RNF213: variants seen among roughly 807,000 people sequenced by gnomAD.
RNF213 encodes ring finger protein 213.
RNF213 carries 341 observed loss-of-function variants against 514.4 expected under a neutral mutation model. The observed-to-expected ratio is 0.66, with a 90% confidence interval of 0.61 to 0.73. The LOEUF (loss-of-function observed/expected upper bound fraction) is 0.73, where lower values mean the gene tolerates loss of function less well. RNF213 is among the 30% of genes least tolerant of loss of function. The pLI is 0.00. For synonymous variants in RNF213, 2,655 were observed against 2,658.2 expected, an observed-to-expected ratio of 1.00 and a Z score of 0.04; for missense variants, 5,767 against 6,615.6, an observed-to-expected ratio of 0.87 and a Z score of 4.45.
chr17:80,393,112 C>T (rs1184099306), intron 67 of RNF213, among the ~76,000 whole-genome samples: 3 of 151,840 alleles, frequency 2.0e-5, no homozygotes, highest in South Asian at 2.1e-4. Context: ...TGAGTAGCTT[C>T]GGACTATAGG....
chr17:80,313,475 G>A (rs12950573), intron 15 of RNF213, among the ~76,000 whole-genome samples: 3 of 15,990 alleles, frequency 1.9e-4, no homozygotes, highest in Non-Finnish European at 3.9e-4. Context: ...GATGGTGGTG[G>A]AGGTGATGGT....
At chr17:80,286,955 C>T (rs915776800) in intron 3 of RNF213, among the ~76,000 whole-genome samples, 51 of 152,228 alleles carry the variant, frequency 3.4e-4, no homozygotes, top group African/African-American at 1.2e-3. Context: ...GCTGAGGGTG[C>T]GGTGGGAGCT....
rs550872916 is a variant in RNF213, at chr17:80,279,945, C to T, written c.261+6541C>T. Among the ~76,000 whole-genome samples the T allele has an allele frequency of 3.9e-5, 6 of 152,336 alleles. No homozygotes were observed. The South Asian group carries it at 1.0e-3, about 26-fold the overall frequency. On this transcript the variant is annotated intron_variant, in intron 3 of 67. Coordinates refer to ENST00000582970, the MANE Select transcript of RNF213 (RefSeq NM_001256071.3). The stretch of plus-strand genomic sequence containing the variant: ...TTTATTACTTTTTTGCAGAGGGCGA[C>T]GGCCTCCCTGCCTTCCCCGCACCGC...
At chr17:80,312,000 C>T (rs980177822) in intron 14 of RNF213, among the ~76,000 whole-genome samples, 32 of 152,096 alleles carry the variant, frequency 2.1e-4, no homozygotes, top group African/African-American at 7.7e-4. Context: ...TGGTGGCATG[C>T]ACTTGTAATC....
intron 64 of RNF213, chr17:80,388,908 G>A: frequency 1.6e-6 from 1 of 629,196 alleles, no homozygotes; most frequent in Non-Finnish European, 2.8e-6. Flanking sequence ...TAGGAATGAT[G>A]TTGATGCATG....
At chr17:80,304,670 ATAAT>A (rs1598965940) in intron 11 of RNF213, among the ~76,000 whole-genome samples, 1 of 152,020 alleles carries the variant, frequency 6.6e-6, no homozygotes, top group Non-Finnish European at 1.5e-5. Context: ...AATAATAATA[ATAAT>A]TAAGAGGCTT....
rs1568053022 is a variant in RNF213 at position 80,314,083 on chromosome 17, AGGT to A, written c.2811+918_2811+920del. Among the ~76,000 whole-genome samples the A allele has an allele frequency of 5.4e-3, 279 of 51,690 alleles. 1 individual carries two copies. The highest frequency in any genetic ancestry group is 7.2e-3 in the Non-Finnish European group (203 of 28,282). 33.9% of individuals were successfully genotyped at this position (51,690 alleles called of 152,430 possible). A position where few individuals can be genotyped will look rare whatever the true frequency, so the allele number is the denominator to read the frequency against. ...GTAATGGAGGTGATGGTGGTGGTGG[AGGT>A]GATGGTGGAGGTACTGGAGGTGATG... is the stretch of plus-strand genomic sequence containing the variant. On this transcript the variant is annotated intron_variant, in intron 15 of 67. Coordinates refer to ENST00000582970, the MANE Select transcript of RNF213 (RefSeq NM_001256071.3).
chr17:80,269,332 A>AC (rs540492292), intron 2 of RNF213, among the ~76,000 whole-genome samples: 1 of 152,028 alleles, frequency 6.6e-6, no homozygotes, highest in Non-Finnish European at 1.5e-5. Flanking sequence ...TAACCATCAC[A>AC]CCGTCTATCC....
intron 3 of RNF213, among the ~76,000 whole-genome samples, chr17:80,275,213 G>T (rs2044011369): frequency 6.6e-6 from 1 of 151,496 alleles, no homozygotes; most frequent in Non-Finnish European, 1.5e-5. Flanking sequence ...GGGTGTGTGT[G>T]TGCTTGTGTC....
In RNF213 at chr17:80,317,061, G is replaced by C. The variant is rs1178885695; in HGVS notation, c.2812-127G>C. On this transcript the variant is annotated intron_variant, in intron 15 of 67. Coordinates refer to ENST00000582970, the MANE Select transcript of RNF213 (RefSeq NM_001256071.3). This position sits in a 1 kb window ranked among gnomAD's most constrained non-coding sequence, Gnocchi z 4.1. ...GCTGACTGTTGATGAAGGTTGGGGA[G>C]AGCCCTGGTGTTCGCGGAGTCCCGC... The C allele has an allele frequency of 2.0e-6, 2 of 1,007,810 alleles. No homozygotes were observed. Among genetic ancestry groups the C allele is most frequent in the African/African-American group, 3.2e-5 (2 of 62,668 alleles). The allele number at this position is 1,007,810 out of a possible 1,614,324, so 62.4% of individuals were successfully genotyped here.
chr17:80,284,678 C>G (rs1049103469), intron 3 of RNF213, among the ~76,000 whole-genome samples: 1 of 152,148 alleles, frequency 6.6e-6, no homozygotes, highest in East Asian at 1.9e-4. Flanking sequence ...TTGGTGCAGG[C>G]GTCTCCGGCC....
In RNF213 at chr17:80,348,092, G is replaced by A; in HGVS notation, c.9757G>A (p.Glu3253Lys). The A allele has an allele frequency of 6.2e-7, 1 of 1,614,150 alleles. No individual in the cohort carries two copies. The highest frequency in any genetic ancestry group is 8.5e-7 in the Non-Finnish European group (1 of 1,180,044). Residue 3253 changes from glutamate to lysine, a missense_variant, in exon 29 of 68, where the codon GAG (glutamate) becomes AAG (lysine). Glu to Lys is a moderately conservative substitution (Grantham distance 56, BLOSUM62 1). Coordinates refer to ENST00000582970, the MANE Select transcript of RNF213 (RefSeq NM_001256071.3). Reference sequence around the variant, plus strand: ...GGAACTTCACCAGAAGGTGTCTGAGGAGGCCAAATCGATCCTGCTGAACTG... The same window carrying A: ...GGAACTTCACCAGAAGGTGTCTGAGAAGGCCAAATCGATCCTGCTGAACTG... ...TEELHQKVSEEAKSILLNCAT... is the reference protein window; with the variant it reads ...TEELHQKVSEKAKSILLNCAT...
Position 80,288,141 on chromosome 17 carries a change from C to G in RNF213, c.588C>G (p.Phe196Leu), listed in dbSNP as rs1458627329. ...GTGAGGCTCAGAGCAGCCCGCAATTCCAGGACCACACGGAAGGGGAGGACC... is the reference window on the plus strand; with the variant it reads ...GTGAGGCTCAGAGCAGCCCGCAATTGCAGGACCACACGGAAGGGGAGGACC... ...TGSEAQSSPQ[F>L]QDHTEGEDQD... The change falls in exon 4 of 68, where the codon TTC becomes TTG. Residue 196 changes from phenylalanine (F) to leucine (L), a missense_variant. Transcript: ENST00000582970. This position sits in a 1 kb window ranked among gnomAD's most constrained non-coding sequence, Gnocchi z 4.9. 1.9e-6 allele frequency: 3 copies of G among 1,609,902 alleles called. No homozygotes were observed. The highest frequency in any genetic ancestry group is 2.5e-6 in the Non-Finnish European group (3 of 1,177,458).
Position 80,288,313 on chromosome 17 carries a change from G to A in RNF213, c.760G>A (p.Gly254Arg), listed in dbSNP as rs138629029. Residue 254 changes from glycine to arginine, a missense_variant, in exon 4 of 68, where the codon GGG becomes AGG. By Grantham distance (125) the Gly-to-Arg change is moderately radical. Around this residue, in one of 13 missense-constraint regions of RNF213, gnomAD observed 509 missense variants for 496.7 expected, o/e 1.02. Transcript: ENST00000582970. The surrounding 1 kb of genome is among the most constrained non-coding windows in gnomAD (Gnocchi z 4.9). ...GTCAAAAGGAGGCAGCTCTGAGCCC[G>A]GGACAGAACTGCAGACCACCGAGCA... The part of the protein sequence containing the change: ...PESKGGSSEP[G>R]TELQTTEQQA... 96 of 1,612,690 alleles carry A rather than the reference G, an allele frequency of 6.0e-5. No homozygotes were observed. Among genetic ancestry groups the A allele is most frequent in the Non-Finnish European group, 7.6e-5 (90 of 1,179,986 alleles).
At chr17:80,318,711 C>G (rs1022180472) in intron 16 of RNF213, among the ~76,000 whole-genome samples, 25 of 151,954 alleles carry the variant, frequency 1.6e-4, no homozygotes, top group Non-Finnish European at 3.2e-4. Context: ...GTAGCTGGGA[C>G]TACAGGCGCC....
In RNF213 at chr17:80,393,527, C is replaced by T. The variant is rs1026354417; in HGVS notation, c.*29C>T. 1.9e-6 allele frequency: 3 copies of T among 1,612,410 alleles called. No homozygotes were observed. In the South Asian group the frequency reaches 3.3e-5, roughly 18 times the overall value. On this transcript the variant is annotated 3_prime_UTR_variant, in exon 68 of 68. Transcript: ENST00000582970. ...TATTTCCTCAGCTATCTTTGGATGA[C>T]TTTGGAGAGAAGACTCCTCTCTCCT...
In RNF213 at chr17:80,364,493, C is replaced by A; in HGVS notation, c.11811C>A (p.Thr3937=). The change falls in exon 42 of 68, where the codon ACC becomes ACA. Residue 3937 remains threonine, a synonymous_variant. Transcript: ENST00000582970. ...TCGTGGAGCACGTGCTCCTAGGAAC[C>A]GAGAGCCGCGTCCCCGAGTTACAGG... ...ALFVEHVLLG[T]ESRVPELQGL... The A allele has an allele frequency of 3.1e-6, 5 of 1,614,106 alleles. No individual in the cohort carries two copies. The South Asian group carries it at 5.5e-5, about 18-fold the overall frequency.
At chr17:80,314,193 G>T (rs2045734494) in intron 15 of RNF213, among the ~76,000 whole-genome samples, 1 of 125,196 alleles carries the variant, frequency 8.0e-6, no homozygotes, top group East Asian at 2.3e-4. Flanking sequence ...GGTGGTGAAG[G>T]TGATGGTGGA....
Position 80,364,495 on chromosome 17 carries a change from A to G in RNF213, c.11813A>G (p.Glu3938Gly). Residue 3938 changes from glutamate (E) to glycine (G), a missense_variant, in exon 42 of 68, where the codon GAG becomes GGG. Physicochemically the swap from Glu to Gly is moderately conservative, Grantham distance 98. This residue lies in a region of RNF213 where 355 missense variants were observed against 358.0 expected (regional missense o/e 0.99). Transcript: ENST00000582970. ...LFVEHVLLGT[E>G]SRVPELQGLV... ...GTGGAGCACGTGCTCCTAGGAACCG[A>G]GAGCCGCGTCCCCGAGTTACAGGGG... 6.2e-7 allele frequency: 1 copy of G among 1,614,150 alleles called. No homozygotes were observed. The highest frequency in any genetic ancestry group is 8.5e-7 in the Non-Finnish European group (1 of 1,180,020).
Sources: gnomAD v4.1 joint callset for allele counts (sites outside exome capture counted in the v4.1 genomes callset) on GRCh38, gnomAD v4.1.1 for gene constraint, gnomAD v4.1.1 regional missense constraint, Gnocchi (gnomAD v3.1) non-coding constraint, MANE v1.5 for transcripts, NCBI Gene and HGNC (gene_info 2026-07-23, HGNC 2026-07-21) for gene names.